The following NDUFA10 variants were observed in gnomAD, a reference collection of about 807,000 sequenced individuals.
The protein encoded by NDUFA10 is NADH:ubiquinone oxidoreductase subunit A10, also known as NADH dehydrogenase [ubiquinone] 1 alpha subcomplex subunit 10, mitochondrial.
Under a neutral mutation model 47.8 loss-of-function variants are expected in NDUFA10, and 40 were observed. The observed-to-expected ratio is 0.84, with a 90% CI of 0.65 to 1.09. NDUFA10 has a LOEUF of 1.09. NDUFA10 is among the 50% of genes least tolerant of loss of function. The probability of loss-of-function intolerance (pLI) is 0.00; values close to 1 mark genes in which losing one functional copy is unlikely to be tolerated. For synonymous variants in NDUFA10, 183 were observed against 172.2 expected (o/e 1.06, Z -0.49); for missense variants, 413 against 451.1 (o/e 0.92, Z 0.76).
At chr2:240,004,192 A>T (rs573905292) in intron 8 of NDUFA10, among the ~76,000 whole-genome samples, 1 of 152,122 alleles carries the variant, frequency 6.6e-6, no homozygotes, top group African/African-American at 2.4e-5. Context: ...GAAGAGGGGC[A>T]GCGGTGCTGC....
In NDUFA10 at chr2:240,018,542, T is replaced by G. The variant is rs1424639232; in HGVS notation, c.547+11A>C. 6.2e-7 allele frequency: 1 copy of G among 1,614,102 alleles called. No individual in the cohort carries two copies. The highest frequency in any genetic ancestry group is 1.1e-5 in the South Asian group (1 of 91,090). On this transcript the variant is annotated intron_variant, in intron 4 of 9. Transcript: ENST00000252711. ...CACACACCCAGAAGTGGGTCTGCAA[T>G]GCTGACTCACACTGCTTTCGGATGA...
intron 4 of NDUFA10, among the ~76,000 whole-genome samples, chr2:239,901,116 G>A (rs552769003): frequency 2.6e-5 from 4 of 152,248 alleles, no homozygotes; most frequent in South Asian, 2.1e-4. Context: ...GGGGCATTAC[G>A]CTGTGCCTTC....
In NDUFA10 at chr2:239,959,983, T is replaced by G; in HGVS notation, c.*1135A>C. On this transcript the variant is annotated 3_prime_UTR_variant, in exon 10 of 10. Transcript: ENST00000252711. ...TCCTCTGCACCAGCACTGGAACTAC[T>G]GCCCACAGGCGGCTGTGGAGTGCCT... The G allele has an allele frequency of 1.0e-6, 1 of 985,430 alleles. No homozygotes were observed. The highest frequency in any genetic ancestry group is 4.7e-5 in the South Asian group (1 of 21,288). 61.0% of individuals were successfully genotyped at this position (985,430 alleles called of 1,614,324 possible).
intron 8 of NDUFA10, among the ~76,000 whole-genome samples, chr2:240,002,698 C>T (rs145414025): frequency 6.6e-6 from 1 of 152,226 alleles, no homozygotes; most frequent in East Asian, 1.9e-4. Context: ...GCCTACCTTG[C>T]TCACCCTTCA....
chr2:239,968,771 C>T (rs145869609), intron 9 of NDUFA10, among the ~76,000 whole-genome samples: 2 of 152,132 alleles, frequency 1.3e-5, no homozygotes, highest in African/African-American at 4.8e-5. Context: ...TGGGAAAGAA[C>T]AGTTTCCAGG....
intron 4 of NDUFA10, among the ~76,000 whole-genome samples, chr2:239,935,678 T>A (rs1273330524): frequency 6.6e-6 from 1 of 152,200 alleles, no homozygotes; most frequent in Admixed American, 6.5e-5. Context: ...GATAATTAAA[T>A]CATGAGAGTG....
intron 4 of NDUFA10, among the ~76,000 whole-genome samples, chr2:239,947,430 C>A (rs1388045388): frequency 6.6e-6 from 1 of 152,218 alleles, no homozygotes; most frequent in Non-Finnish European, 1.5e-5. Context: ...GCAGCCACAG[C>A]CAAATGCTCG....
At chr2:239,981,810 T>C (rs970709100) in intron 9 of NDUFA10, among the ~76,000 whole-genome samples, 6 of 152,148 alleles carry the variant, frequency 3.9e-5, no homozygotes, top group African/African-American at 1.4e-4. Context: ...GGCATAGTTT[T>C]AGTAATTTTA....
intron 4 of NDUFA10, among the ~76,000 whole-genome samples, chr2:239,903,544 G>A (rs143682989): frequency 9.7e-4 from 148 of 152,358 alleles, no homozygotes; most frequent in Non-Finnish European, 1.6e-3. Context: ...GACATAAGGC[G>A]TGAGCATGCC....
chr2:240,013,495 GAAAC>G (rs1424176402), intron 5 of NDUFA10: 1 of 152,220 alleles, frequency 6.6e-6, no homozygotes, highest in African/African-American at 2.4e-5. Context: ...AGTCCACTGA[GAAAC>G]AAACATTTTG....
At chr2:239,955,994 C>G (rs78635933), downstream of NDUFA10, among the ~76,000 whole-genome samples, 2 of 152,080 alleles carry the variant, frequency 1.3e-5, no homozygotes, top group Non-Finnish European at 2.9e-5. Flanking sequence ...CAGGGACCAG[C>G]CACCCAGGAA....
intron 9 of NDUFA10, among the ~76,000 whole-genome samples, chr2:239,971,543 T>C (rs1283521462): frequency 2.0e-5 from 3 of 152,244 alleles, no homozygotes; most frequent in African/African-American, 7.2e-5. Flanking sequence ...CTGATATTAG[T>C]GGGCAGCCTC....
intron 5 of NDUFA10, chr2:240,013,436 CTT>C (rs1346573318): frequency 6.6e-6 from 1 of 152,232 alleles, no homozygotes; most frequent in Non-Finnish European, 1.5e-5. Flanking sequence ...AAATGTATGA[CTT>C]TGTTTTTCTC....
chr2:239,938,069 A>C (rs1227614522), intron 4 of NDUFA10, among the ~76,000 whole-genome samples: 1 of 152,084 alleles, frequency 6.6e-6, no homozygotes, highest in African/African-American at 2.4e-5. Flanking sequence ...TGACGCCAGG[A>C]CAGCCTCGGG....
At chr2:239,953,698 C>T (rs182641147), downstream of NDUFA10, among the ~76,000 whole-genome samples, 2 of 145,300 alleles carry the variant, frequency 1.4e-5, no homozygotes, top group East Asian at 4.1e-4. Flanking sequence ...ACAGGCACCG[C>T]GAACGTAAGT....
At chr2:240,018,269 G>A (rs1443656035) in intron 4 of NDUFA10, 8 of 763,822 alleles carry the variant, frequency 1.0e-5, no homozygotes, top group African/African-American at 5.2e-5. Flanking sequence ...AGGTTCTAAC[G>A]GGAGGCTGTG....
At chr2:239,930,311 G>A (rs1694145558) in intron 4 of NDUFA10, among the ~76,000 whole-genome samples, 1 of 151,834 alleles carries the variant, frequency 6.6e-6, no homozygotes, top group Admixed American at 6.6e-5. Context: ...CTCCTCCATT[G>A]CCCCTGCTCT....
intron 8 of NDUFA10, among the ~76,000 whole-genome samples, chr2:240,002,114 G>C (rs1279040469): frequency 6.6e-6 from 1 of 152,124 alleles, no homozygotes; most frequent in African/African-American, 2.4e-5. Flanking sequence ...TGGATCACCT[G>C]AGGTCAGGAG....
intron 4 of NDUFA10, among the ~76,000 whole-genome samples, chr2:239,920,383 G>C (rs1265275312): frequency 1.3e-5 from 2 of 152,214 alleles, no homozygotes; most frequent in African/African-American, 4.8e-5. Flanking sequence ...TGGGGACTGG[G>C]CACAGTGCCT....
Sources: allele counts gnomAD v4.1 joint callset (sites outside exome capture counted in the v4.1 genomes callset), GRCh38; gene constraint gnomAD v4.1.1; transcripts MANE v1.5; gene names NCBI Gene and HGNC (gene_info 2026-07-23, HGNC 2026-07-21).